TXNRD1: variants seen among roughly 807,000 people sequenced by gnomAD.
TXNRD1 encodes the protein thioredoxin reductase 1.
In TXNRD1, 57 loss-of-function variants were observed where a neutral mutation model predicts 80.3. That is an observed-to-expected ratio of 0.71 (90% CI 0.57 to 0.89). The LOEUF (loss-of-function observed/expected upper bound fraction) is 0.89, where lower values mean the gene tolerates loss of function less well. Among genes scored for constraint, TXNRD1 ranks in the 40% least tolerant of loss-of-function variants. TXNRD1 has a pLI of 0.00. For missense variants in TXNRD1, 730 were observed against 803.0 expected (o/e 0.91, Z 1.10); for synonymous variants, 291 against 285.2 (o/e 1.02, Z -0.20).
chr12:104,304,835 G>A, intron 4 of TXNRD1: 2 of 1,613,996 alleles, frequency 1.2e-6, no homozygotes. Flanking sequence ...CAGTTGCCAT[G>A]GCAGGAAACA....
intron 1 of TXNRD1, among the ~76,000 whole-genome samples, chr12:104,232,944 G>C (rs1339965433): frequency 1.3e-5 from 2 of 152,162 alleles, no homozygotes; most frequent in Non-Finnish European, 2.9e-5. Flanking sequence ...GCACAATCTA[G>C]ACTGATCCTG....
intron 1 of TXNRD1, among the ~76,000 whole-genome samples, chr12:104,221,214 G>A (rs2135673691): frequency 6.6e-6 from 1 of 152,348 alleles, no homozygotes; most frequent in South Asian, 2.1e-4. Context: ...AGTGAGCCAT[G>A]ATCAGGCTAC....
At chr12:104,233,807 C>A (rs566541666) in intron 1 of TXNRD1, among the ~76,000 whole-genome samples, 4 of 152,272 alleles carry the variant, frequency 2.6e-5, no homozygotes, top group African/African-American at 7.2e-5. Flanking sequence ...CAGGTGTGAG[C>A]CACCGCACCT....
At chr12:104,292,242 G>C (rs2034245730) in intron 4 of TXNRD1, among the ~76,000 whole-genome samples, 1 of 152,196 alleles carries the variant, frequency 6.6e-6, no homozygotes, top group Admixed American at 6.5e-5. Context: ...AAGGATGAAA[G>C]CTTTGCAGAA....
At chr12:104,228,222 A>G (rs1190765721) in intron 1 of TXNRD1, among the ~76,000 whole-genome samples, 2 of 151,070 alleles carry the variant, frequency 1.3e-5, no homozygotes, top group African/African-American at 4.9e-5. Flanking sequence ...GAATCACCTG[A>G]ACCCAGAAGG....
chr12:104,232,905 G>A (rs750518000), intron 1 of TXNRD1, among the ~76,000 whole-genome samples: 19 of 152,200 alleles, frequency 1.2e-4, no homozygotes, highest in Admixed American at 3.9e-4. Flanking sequence ...TTACTGCAGT[G>A]TCCTATCTCC....
At chr12:104,227,401 A>G (rs1294791942) in intron 1 of TXNRD1, among the ~76,000 whole-genome samples, 1 of 152,024 alleles carries the variant, frequency 6.6e-6, no homozygotes, top group Non-Finnish European at 1.5e-5. Flanking sequence ...AGCTATGACC[A>G]CAGGTGAGTG....
intron 3 of TXNRD1, chr12:104,265,261 A>G (rs1334280607): frequency 2.1e-5 from 32 of 1,513,024 alleles, no homozygotes; most frequent in Non-Finnish European, 2.7e-5. Flanking sequence ...AAAAAAAAAA[A>G]AAAAAAAACT....
intron 3 of TXNRD1, chr12:104,288,647 A>C (rs528823703): frequency 2.4e-6 from 2 of 818,880 alleles, no homozygotes; most frequent in Non-Finnish European, 3.4e-6. Context: ...ATTTTAGCGG[A>C]GTAGTGCAAT....
Position 104,348,426 on chromosome 12 carries a change from C to T in TXNRD1, c.*5C>T. On this transcript the variant is annotated 3_prime_UTR_variant, in exon 17 of 17. Coordinates refer to ENST00000525566, the MANE Select transcript of TXNRD1 (RefSeq NM_001093771.3). ...CAGGCTGGCTGCTGAGGTTAAGCCC[C>T]AGTGTGGATGCTGTTGCCAAGACTG... is the stretch of plus-strand genomic sequence containing the variant. The T allele has an allele frequency of 6.2e-7, 1 of 1,613,928 alleles. No homozygotes were observed. Among genetic ancestry groups the T allele is most frequent in the South Asian group, 1.1e-5 (1 of 91,078 alleles).
intron 2 of TXNRD1, among the ~76,000 whole-genome samples, chr12:104,252,590 T>C (rs2033141275): frequency 6.9e-6 from 1 of 143,908 alleles, no homozygotes; most frequent in African/African-American, 2.6e-5. Flanking sequence ...GCTCTAGGCC[T>C]ACACAATGGA....
At chr12:104,335,865 C>T (rs75590814) in intron 15 of TXNRD1, among the ~76,000 whole-genome samples, 2,786 of 152,250 alleles carry the variant, frequency 0.018, 41 homozygotes, top group Non-Finnish European at 0.028. Flanking sequence ...AGGACAGTTA[C>T]AGGTTGGTTT....
intron 1 of TXNRD1, among the ~76,000 whole-genome samples, chr12:104,241,256 G>A (rs1263143496): frequency 6.6e-6 from 1 of 151,990 alleles, no homozygotes; most frequent in African/African-American, 2.4e-5. Flanking sequence ...GGCCAGGCTG[G>A]TGTCAAACTC....
rs1271290623 is a variant in TXNRD1, at chr12:104,327,680, T to A, written c.1542+9T>A. ...CAGGTTCCACTGTCAAGGTGAGTGT[T>A]GTGCTTGTTGCCCATTAGATACTGT... On this transcript the variant is annotated intron_variant, in intron 13 of 16. Coordinates refer to ENST00000525566, the MANE Select transcript of TXNRD1 (RefSeq NM_001093771.3). The A allele has an allele frequency of 6.2e-7, 1 of 1,613,038 alleles. No individual in the cohort carries two copies. The highest frequency in any genetic ancestry group is 1.3e-5 in the African/African-American group (1 of 74,830).
rs1178469026 is a variant in TXNRD1, at chr12:104,254,644, AATAT to A, written c.243+2985_243+2988del. On this transcript the variant is annotated intron_variant, in intron 2 of 16. Coordinates refer to ENST00000525566, the MANE Select transcript of TXNRD1 (RefSeq NM_001093771.3). The stretch of plus-strand genomic sequence containing the variant: ...CTATGTCTATGGAAAAAAAAAAAAA[AATAT>A]ATATATATATATATATATCAGCATG... 1.4e-3 allele frequency among the ~76,000 whole-genome samples: 132 copies of A among 93,556 alleles called. 1 individual carries two copies. The highest frequency in any genetic ancestry group is 1.8e-3 in the Admixed American group (14 of 7,672). The allele number at this position is 93,556 out of a possible 152,430, so 61.4% of individuals were successfully genotyped here.
At chr12:104,263,192 A>C (rs1016689012) in intron 3 of TXNRD1, among the ~76,000 whole-genome samples, 1 of 152,112 alleles carries the variant, frequency 6.6e-6, no homozygotes, top group Non-Finnish European at 1.5e-5. Flanking sequence ...TCTCCTATTT[A>C]ATCTTCAGAA....
intron 1 of TXNRD1, among the ~76,000 whole-genome samples, chr12:104,234,353 G>A (rs1315097217): frequency 6.6e-6 from 1 of 152,122 alleles, no homozygotes; most frequent in Non-Finnish European, 1.5e-5. Context: ...GGAGTGCAGT[G>A]GCATGATCTC....
chr12:104,323,113 G>GT (rs1367857830), intron 10 of TXNRD1, among the ~76,000 whole-genome samples: 2 of 121,086 alleles, frequency 1.7e-5, no homozygotes, highest in African/African-American at 3.4e-5. Context: ...AGAGCACAGG[G>GT]TTGGGGGTAA....
Position 104,236,731 on chromosome 12 carries a change from T to C in TXNRD1, c.92-14796T>C, listed in dbSNP as rs1262637902. Among the ~76,000 whole-genome samples, 5 of 143,326 alleles carry C rather than the reference T, an allele frequency of 3.5e-5. No homozygotes were observed. The Admixed American group carries it at 3.7e-4, about 11-fold the overall frequency. The allele number at this position is 143,326 out of a possible 152,430, so 94.0% of individuals were successfully genotyped here. A position where few individuals can be genotyped will look rare whatever the true frequency, so the allele number is the denominator to read the frequency against. On this transcript the variant is annotated intron_variant, in intron 1 of 16. Coordinates refer to ENST00000525566, the MANE Select transcript of TXNRD1 (RefSeq NM_001093771.3). ...TTGAACCCAGGAGGCAGAGCTGTGG[T>C]AAGCTGAGATTGCACCACTGCATGC...
Sources: allele counts gnomAD v4.1 joint callset (sites outside exome capture counted in the v4.1 genomes callset), GRCh38; gene constraint gnomAD v4.1.1; transcripts MANE v1.5; gene names NCBI Gene and HGNC (gene_info 2026-07-23, HGNC 2026-07-21).